Variants in ITPR1 observed in about 807,000 individuals in gnomAD.
ITPR1 encodes the protein inositol 1,4,5-trisphosphate receptor type 1, also known as inositol 1,4,5-trisphosphate-gated calcium channel ITPR1.
In ITPR1, 96 loss-of-function variants were observed where a neutral mutation model predicts 318.4. The observed-to-expected ratio is 0.30, with a 90% CI of 0.26 to 0.36. ITPR1 has a LOEUF of 0.36. Ranked by LOEUF, ITPR1 falls within the 10% of genes least tolerant of loss-of-function variation. The probability of loss-of-function intolerance (pLI) is 1.00; values close to 1 mark genes in which losing one functional copy is unlikely to be tolerated. For synonymous variants in ITPR1, 1,312 were observed against 1,289.9 expected, an observed-to-expected ratio of 1.02 and a Z score of -0.37; for missense variants, 2,440 against 3,460.2, an observed-to-expected ratio of 0.71 and a Z score of 7.40.
At chr3:4,774,570 G>A (rs973957737) in intron 46 of ITPR1, among the ~76,000 whole-genome samples, 1 of 152,220 alleles carries the variant, frequency 6.6e-6, no homozygotes, top group East Asian at 1.9e-4. Flanking sequence ...CTCAAGTTGG[G>A]TGAATGTGGC....
chr3:4,828,223 AAAAGTAGTAATGGATC>A (rs1184829541), intron 60 of ITPR1, among the ~76,000 whole-genome samples: 2 of 152,210 alleles, frequency 1.3e-5, no homozygotes, highest in African/African-American at 4.8e-5. Context: ...ATTGTTGTAT[AAAAGTAGTAATGGATC>A]AAAGTTGAAT....
intron 44 of ITPR1, among the ~76,000 whole-genome samples, chr3:4,736,602 C>T (rs1402986125): frequency 1.3e-5 from 2 of 152,228 alleles, no homozygotes; most frequent in Non-Finnish European, 2.9e-5. Flanking sequence ...GGCACCTGGG[C>T]CAGTGGCAAG....
At chr3:4,788,844 C>T (rs896538630) in intron 52 of ITPR1, among the ~76,000 whole-genome samples, 11 of 152,170 alleles carry the variant, frequency 7.2e-5, no homozygotes, top group African/African-American at 2.4e-4. Flanking sequence ...TCATCAGGAG[C>T]CAGACTTTTT....
chr3:4,796,230 G>T lies in ITPR1; in HGVS notation c.6931+1043G>T, dbSNP rs1254963757. 2.6e-5 allele frequency among the ~76,000 whole-genome samples: 4 copies of T among 152,060 alleles called. No individual in the cohort carries two copies. In the East Asian group the frequency reaches 7.7e-4, roughly 29 times the overall value. ...AGTTAGCTTTTCTGTTTGACCTTAAGTTACGTGGAAGGCACCATCTGAATG... is the reference window on the plus strand; with the variant it reads ...AGTTAGCTTTTCTGTTTGACCTTAATTTACGTGGAAGGCACCATCTGAATG... On this transcript the variant is annotated intron_variant, in intron 53 of 61. Transcript: ENST00000649015.
chr3:4,818,316 A>G (rs1222665779), intron 60 of ITPR1, 74 bp downstream of exon 60: 12 of 1,206,618 alleles, frequency 9.9e-6, no homozygotes, highest in Non-Finnish European at 1.1e-5. Context: ...CCAGCAGCCC[A>G]TCGGGGAGCT....
intron 14 of ITPR1, among the ~76,000 whole-genome samples, chr3:4,661,751 A>G (rs1171543973): frequency 1.3e-5 from 2 of 152,212 alleles, no homozygotes; most frequent in Non-Finnish European, 2.9e-5. Flanking sequence ...AGAATCATTA[A>G]TTACCATTTT....
At chr3:4,766,882 C>G (rs546175099) in intron 45 of ITPR1, among the ~76,000 whole-genome samples, 172 bp downstream of exon 45, 5 of 152,186 alleles carry the variant, frequency 3.3e-5, no homozygotes, top group Non-Finnish European at 7.3e-5. Flanking sequence ...GAGCTGAAGC[C>G]CTGCTGCTCA....
chr3:4,750,827 C>T (rs2044449709), intron 44 of ITPR1: 1 of 152,360 alleles, frequency 6.6e-6, no homozygotes, highest in African/African-American at 2.4e-5. Context: ...AGAATATTTT[C>T]CCTCTCCTTC....
At chr3:4,623,872 C>A (rs1017187846) in intron 4 of ITPR1, among the ~76,000 whole-genome samples, 1 of 152,156 alleles carries the variant, frequency 6.6e-6, no homozygotes, top group Non-Finnish European at 1.5e-5. Flanking sequence ...ACACTTAATG[C>A]AATGCAATAC....
chr3:4,773,539 C>G (rs1230238353), intron 46 of ITPR1, among the ~76,000 whole-genome samples: 1 of 152,076 alleles, frequency 6.6e-6, no homozygotes, highest in Non-Finnish European at 1.5e-5. Context: ...ACATATTAAT[C>G]TATATGCCTT....
intron 4 of ITPR1, among the ~76,000 whole-genome samples, chr3:4,599,882 G>T (rs1292031757): frequency 1.3e-5 from 2 of 152,148 alleles, no homozygotes; most frequent in Non-Finnish European, 2.9e-5. Context: ...TGTCAGTTTT[G>T]ACGTATGTAT....
At chr3:4,809,060 C>T (rs756564970) in intron 55 of ITPR1, among the ~76,000 whole-genome samples, 3 of 152,274 alleles carry the variant, frequency 2.0e-5, no homozygotes, top group Non-Finnish European at 4.4e-5. Flanking sequence ...ATTAAAACAG[C>T]GCAATCCTGT....
At position 4,662,762 on chromosome 3, in the gene ITPR1, C is replaced by G. The variant is rs537106258; in HGVS notation, c.1413-303C>G. ...AATCAAGTGATGAAGACCTCACTCT[C>G]TCTTTCTGTCTCTAAGTTGGTCTCT... On this transcript the variant is annotated intron_variant, in intron 15 of 61. Transcript: ENST00000649015. Among the ~76,000 whole-genome samples, 11 of 152,204 alleles carry G rather than the reference C, an allele frequency of 7.2e-5. No individual in the cohort carries two copies. The South Asian group carries it at 2.1e-3, about 29-fold the overall frequency.
chr3:4,537,535 A>G (rs1305286391), intron 4 of ITPR1, among the ~76,000 whole-genome samples: 2 of 152,230 alleles, frequency 1.3e-5, no homozygotes. Context: ...GGGATTTCAC[A>G]GATGTGATTA....
chr3:4,584,182 T>C (rs1405520623), intron 4 of ITPR1, among the ~76,000 whole-genome samples: 1 of 152,204 alleles, frequency 6.6e-6, no homozygotes. Flanking sequence ...ATGTTGTTTA[T>C]AGGGAAACTT....
chr3:4,657,281 G>C (rs2093731289), intron 12 of ITPR1, among the ~76,000 whole-genome samples: 1 of 151,968 alleles, frequency 6.6e-6, no homozygotes, highest in Non-Finnish European at 1.5e-5. Context: ...ATTGTGAGTA[G>C]ACAATTATCA....
At chr3:4,718,525 G>C (rs1469711447) in intron 40 of ITPR1, among the ~76,000 whole-genome samples, 1 of 152,182 alleles carries the variant, frequency 6.6e-6, no homozygotes, top group Non-Finnish European at 1.5e-5. Flanking sequence ...TGTTGAATTT[G>C]GCACAGTTGC....
chr3:4,748,987 T>C lies in ITPR1; in HGVS notation c.5544+13633T>C, dbSNP rs190082607. ...TTTAGAAGAGAAGGCACAAGGCTAG[T>C]GGGGTTTGGCTGACAGATGGGCTGA... On this transcript the variant is annotated intron_variant, in intron 44 of 61. Transcript: ENST00000649015. 8.0e-3 allele frequency among the ~76,000 whole-genome samples: 1,215 copies of C among 152,194 alleles called. 11 individuals carry two copies. The highest frequency in any genetic ancestry group is 0.013 in the Admixed American group (204 of 15,284).
chr3:4,589,918 G>A (rs930623746), intron 4 of ITPR1, among the ~76,000 whole-genome samples: 4 of 152,084 alleles, frequency 2.6e-5, no homozygotes, highest in Non-Finnish European at 4.4e-5. Flanking sequence ...GGCCTATCTC[G>A]GGCTCTCCTG....
Sources: gnomAD v4.1 joint callset for allele counts (sites outside exome capture counted in the v4.1 genomes callset) on GRCh38, gnomAD v4.1.1 for gene constraint, MANE v1.5 for transcripts, NCBI Gene and HGNC (gene_info 2026-07-23, HGNC 2026-07-21) for gene names.